The following RANBP2 variants were observed in gnomAD, a reference collection of about 807,000 sequenced individuals.
RANBP2 encodes the protein E3 SUMO-protein ligase RanBP2.
A neutral mutation model predicts 303.6 loss-of-function variants in RANBP2; 57 were observed. That is an observed-to-expected ratio of 0.19 (90% CI 0.15 to 0.23). The LOEUF is 0.23. RANBP2 is among the 10% of genes least tolerant of loss of function. The probability of loss-of-function intolerance (pLI) is 1.00; values close to 1 mark genes in which losing one functional copy is unlikely to be tolerated. For synonymous variants in RANBP2, 1,167 were observed against 1,301.5 expected, an observed-to-expected ratio of 0.90 and a Z score of 2.23; for missense variants, 3,138 against 3,780.8, an observed-to-expected ratio of 0.83 and a Z score of 4.46.
the RANBP2 span, among the ~76,000 whole-genome samples, chr2:109,295,391 G>A: frequency 2.6e-5 from 4 of 152,374 alleles, no homozygotes; most frequent in South Asian, 2.1e-4. Context: ...AACCCAGGCC[G>A]CCTGGCTCTG....
the RANBP2 span, among the ~76,000 whole-genome samples, chr2:109,567,270 C>T: frequency 6.6e-6 from 1 of 152,124 alleles, no homozygotes; most frequent in African/African-American, 2.4e-5. Context: ...GATTTCAAAA[C>T]CCATGATCCT....
At chr2:109,109,243 C>T in the RANBP2 span, among the ~76,000 whole-genome samples, 2 of 152,162 alleles carry the variant, frequency 1.3e-5, no homozygotes, top group African/African-American at 4.8e-5. Flanking sequence ...GGCACCTTTC[C>T]GAGGAAGTTC....
the RANBP2 span, among the ~76,000 whole-genome samples, chr2:109,453,621 T>C: frequency 2.5e-3 from 377 of 152,290 alleles, 6 homozygotes; most frequent in South Asian, 0.042. Flanking sequence ...CCCTGACTCA[T>C]CTGTGTATTG....
the RANBP2 span, among the ~76,000 whole-genome samples, chr2:109,249,534 TCCTTCC>T: frequency 6.1e-4 from 66 of 109,026 alleles, no homozygotes; most frequent in South Asian, 1.8e-3. Context: ...TTTCTTTCTT[TCCTTCC>T]TTCCTTCCTT....
At chr2:108,967,241 T>C in the RANBP2 span, among the ~76,000 whole-genome samples, 1 of 152,218 alleles carries the variant, frequency 6.6e-6, no homozygotes, top group Non-Finnish European at 1.5e-5. Context: ...GGCCAAATTA[T>C]GTTTTTGAGA....
chr2:109,546,735 C>G, the RANBP2 span, among the ~76,000 whole-genome samples: 3 of 152,076 alleles, frequency 2.0e-5, no homozygotes, highest in South Asian at 2.1e-4. Context: ...AATGTTAAAA[C>G]TGTATTCTAT....
At chr2:109,117,206 C>G in the RANBP2 span, among the ~76,000 whole-genome samples, 1 of 152,230 alleles carries the variant, frequency 6.6e-6, no homozygotes, top group Non-Finnish European at 1.5e-5. Context: ...TTACTGCTGT[C>G]TTTTTGTTTG....
the RANBP2 span, among the ~76,000 whole-genome samples, chr2:109,507,689 A>G: frequency 1.3e-5 from 2 of 152,194 alleles, no homozygotes; most frequent in Admixed American, 6.5e-5. Context: ...TAAGGGTTAA[A>G]TCCCAGACAC....
the RANBP2 span, among the ~76,000 whole-genome samples, chr2:109,274,949 T>C: frequency 1.3e-5 from 2 of 152,094 alleles, no homozygotes; most frequent in Non-Finnish European, 2.9e-5. Context: ...TTGTTCACTT[T>C]AAAATGGTTA....
the RANBP2 span, among the ~76,000 whole-genome samples, chr2:108,987,820 C>G: frequency 6.6e-6 from 1 of 152,240 alleles, no homozygotes; most frequent in African/African-American, 2.4e-5. Flanking sequence ...CAGAGTCACT[C>G]TCTTTTTGGT....
chr2:109,459,472 AT>A, the RANBP2 span, among the ~76,000 whole-genome samples: 1 of 151,758 alleles, frequency 6.6e-6, no homozygotes, highest in African/African-American at 2.4e-5. Context: ...TCCTGTCTGG[AT>A]TGGGTGGTTA....
chr2:108,955,902 G>T, the RANBP2 span, among the ~76,000 whole-genome samples: 1 of 151,532 alleles, frequency 6.6e-6, no homozygotes, highest in East Asian at 2.0e-4. Flanking sequence ...GGTGGCAGGC[G>T]CCTGTAGTCC....
chr2:108,789,524 G>T (rs183187910), downstream of RANBP2, among the ~76,000 whole-genome samples: 1 of 152,312 alleles, frequency 6.6e-6, no homozygotes, highest in East Asian at 1.9e-4. Flanking sequence ...AACCCGGGAG[G>T]TGGAGGTTGC....
chr2:108,989,816 G>GC, the RANBP2 span, among the ~76,000 whole-genome samples: 2 of 41,764 alleles, frequency 4.8e-5, no homozygotes, highest in African/African-American at 1.2e-4. Context: ...GTAAATGATT[G>GC]GGGGGGGGAA....
At chr2:109,731,928 G>A in the RANBP2 span, among the ~76,000 whole-genome samples, 1 of 151,012 alleles carries the variant, frequency 6.6e-6, no homozygotes, top group Non-Finnish European at 1.5e-5. Context: ...ACTCACCACA[G>A]CCTCCACCTC....
At chr2:108,924,083 AC>A in the RANBP2 span, among the ~76,000 whole-genome samples, 9 of 152,298 alleles carry the variant, frequency 5.9e-5, no homozygotes, top group African/African-American at 2.2e-4. Flanking sequence ...GACAGAAGAC[AC>A]CCTTGGAAGT....
chr2:109,347,679 C>G, the RANBP2 span: 1 of 1,613,244 alleles, frequency 6.2e-7, no homozygotes, highest in Middle Eastern at 1.7e-4. Context: ...TGCAGAATCC[C>G]TGCCTGCTTC....
At chr2:109,139,840 A>T in the RANBP2 span, among the ~76,000 whole-genome samples, 16 of 152,302 alleles carry the variant, frequency 1.1e-4, no homozygotes, top group African/African-American at 3.6e-4. Flanking sequence ...CAATGTGTCC[A>T]TTGCTTGGCA....
At chr2:109,569,154 C>T in the RANBP2 span, among the ~76,000 whole-genome samples, 3 of 152,144 alleles carry the variant, frequency 2.0e-5, no homozygotes, top group East Asian at 3.9e-4. Flanking sequence ...ATTGACTGGG[C>T]GTGGTGGCTC....
Sources: gnomAD v4.1 joint callset for allele counts (sites outside exome capture counted in the v4.1 genomes callset) on GRCh38, gnomAD v4.1.1 for gene constraint, MANE v1.5 for transcripts, NCBI Gene and HGNC (gene_info 2026-07-23, HGNC 2026-07-21) for gene names.